The following AGBL1 variants were observed in gnomAD, a reference collection of about 807,000 sequenced individuals.
The protein encoded by AGBL1 is cytosolic carboxypeptidase 4.
Under a neutral mutation model 118.9 loss-of-function variants are expected in AGBL1, and 130 were observed. The observed-to-expected ratio is 1.09, with a 90% confidence interval of 0.95 to 1.26. The LOEUF (loss-of-function observed/expected upper bound fraction) is 1.26. Ranked by LOEUF, AGBL1 falls within the 50% of genes most tolerant of loss-of-function variation. The probability of loss-of-function intolerance (pLI) is 0.00; values close to 1 mark genes in which losing one functional copy is unlikely to be tolerated. For missense variants in AGBL1, 1,584 were observed against 1,298.1 expected (o/e 1.22, Z -3.38); for synonymous variants, 555 against 478.9 (o/e 1.16, Z -2.08).
chr15:86,646,149 T>C (rs1274725334), intron 21 of AGBL1, among the ~76,000 whole-genome samples: 1 of 152,190 alleles, frequency 6.6e-6, no homozygotes, highest in East Asian at 1.9e-4. Context: ...ACTTTTTCTC[T>C]TTGACAGAGT....
At chr15:86,988,096 T>C in intron 24 of AGBL1, 1 of 1,613,226 alleles carries the variant, frequency 6.2e-7, no homozygotes, top group Non-Finnish European at 8.5e-7. Flanking sequence ...CCCGTGAGTA[T>C]GTCAGTTTCC....
chr15:86,563,623 T>C (rs970787795), intron 21 of AGBL1, among the ~76,000 whole-genome samples: 1 of 152,090 alleles, frequency 6.6e-6, no homozygotes, highest in Non-Finnish European at 1.5e-5. Context: ...TTGGGGTGGA[T>C]GGTTATGTGG....
At chr15:86,253,310 G>A (rs2078846001) in intron 7 of AGBL1, among the ~76,000 whole-genome samples, 1 of 152,162 alleles carries the variant, frequency 6.6e-6, no homozygotes, top group South Asian at 2.1e-4. Flanking sequence ...GAGTGCAGTA[G>A]TGTGATCTTG....
chr15:86,372,352 C>G (rs922323058), intron 17 of AGBL1, among the ~76,000 whole-genome samples: 2 of 146,122 alleles, frequency 1.4e-5, no homozygotes, highest in Admixed American at 1.4e-4. Context: ...CATCATTTCC[C>G]CCCTTGGTGT....
rs1207264339 is a variant in AGBL1, at chr15:86,267,048, A to T, written c.1810A>T (p.Asn604Tyr). 11 of 1,567,286 alleles carry T rather than the reference A, an allele frequency of 7.0e-6. No homozygotes were observed. The highest frequency in any genetic ancestry group is 8.7e-6 in the Non-Finnish European group (10 of 1,154,728). ...GTTCTTCTCCAAATTTGAGTCAGGA[A>T]ATCTTCGCAAAGCCATCCAAGTGCG... The part of the protein sequence containing the change: ...LRFFSKFESG[N>Y]LRKAIQVREF... Residue 604 changes from asparagine to tyrosine, a missense_variant, in exon 13 of 23, where the codon AAT becomes TAT. Asn to Tyr is a moderately radical substitution (Grantham distance 143). Coordinates refer to ENST00000614907, the MANE Select transcript of AGBL1 (RefSeq NM_001386094.1).
intron 22 of AGBL1, among the ~76,000 whole-genome samples, chr15:86,903,310 A>T (rs903154802): frequency 2.6e-5 from 4 of 151,604 alleles, no homozygotes; most frequent in African/African-American, 9.7e-5. Flanking sequence ...TGAGTTCTAT[A>T]ATTCTGTTAT....
At chr15:86,665,412 C>T (rs1477631922) in intron 21 of AGBL1, among the ~76,000 whole-genome samples, 1 of 152,032 alleles carries the variant, frequency 6.6e-6, no homozygotes, top group Admixed American at 6.6e-5. Flanking sequence ...CAGTCCATTT[C>T]CAGGAGACGA....
At chr15:86,194,361 A>G (rs982916165) in intron 5 of AGBL1, among the ~76,000 whole-genome samples, 4 of 152,212 alleles carry the variant, frequency 2.6e-5, no homozygotes, top group Non-Finnish European at 2.9e-5. Context: ...GATGCCTGCT[A>G]CTAGAGTACA....
At chr15:86,484,392 TC>T (rs2082689172) in intron 18 of AGBL1, among the ~76,000 whole-genome samples, 1 of 152,110 alleles carries the variant, frequency 6.6e-6, no homozygotes. Context: ...TAACATGTGT[TC>T]ATAATGTCCT....
intron 22 of AGBL1, among the ~76,000 whole-genome samples, chr15:86,733,391 C>T (rs2077553449): frequency 6.6e-6 from 1 of 152,108 alleles, no homozygotes; most frequent in Admixed American, 6.6e-5. Context: ...ATCTTTTTTA[C>T]TCAGTCTAAT....
At chr15:86,994,529 T>C (rs1426893066) in intron 24 of AGBL1, among the ~76,000 whole-genome samples, 4 of 152,142 alleles carry the variant, frequency 2.6e-5, no homozygotes, top group African/African-American at 7.2e-5. Flanking sequence ...TCTGAAGTGG[T>C]TGGTCGTCTT....
intron 22 of AGBL1, among the ~76,000 whole-genome samples, chr15:86,880,816 A>C (rs1356985783): frequency 6.6e-6 from 1 of 152,068 alleles, no homozygotes; most frequent in Non-Finnish European, 1.5e-5. Flanking sequence ...TAGGGACATC[A>C]AAACACACAA....
At chr15:86,502,204 T>A (rs1657647391) in intron 18 of AGBL1, among the ~76,000 whole-genome samples, 3 of 151,594 alleles carry the variant, frequency 2.0e-5, no homozygotes, top group African/African-American at 7.2e-5. Context: ...AATGCTATTG[T>A]AAGTAAACTT....
chr15:86,678,276 A>C (rs1049973927), intron 22 of AGBL1, among the ~76,000 whole-genome samples: 2 of 152,282 alleles, frequency 1.3e-5, no homozygotes, highest in African/African-American at 4.8e-5. Flanking sequence ...CAGTACTCTC[A>C]AAAACAATGT....
intron 17 of AGBL1, among the ~76,000 whole-genome samples, chr15:86,301,669 TGTGTGTG>T (rs2079748493): frequency 6.6e-6 from 1 of 150,560 alleles, no homozygotes; most frequent in Non-Finnish European, 1.5e-5. Flanking sequence ...TGTGTGTGTG[TGTGTGTG>T]TGTGTGTGTG....
intron 24 of AGBL1, among the ~76,000 whole-genome samples, chr15:87,009,397 G>A (rs1357384805): frequency 6.6e-6 from 1 of 152,222 alleles, no homozygotes; most frequent in Admixed American, 6.5e-5. Context: ...CCTCTGCCTA[G>A]ATTTCAAATA....
chr15:86,250,008 G>A (rs142756123), intron 7 of AGBL1, among the ~76,000 whole-genome samples: 1 of 152,314 alleles, frequency 6.6e-6, no homozygotes, highest in East Asian at 1.9e-4. Context: ...GAATGTGAGT[G>A]CACACAGAGT....
chr15:86,734,529 A>T (rs1380282291), intron 22 of AGBL1, among the ~76,000 whole-genome samples: 6 of 152,116 alleles, frequency 3.9e-5, no homozygotes, highest in Non-Finnish European at 5.9e-5. Flanking sequence ...AAGAGGTGAG[A>T]GATGAGTGCT....
At chr15:86,860,677 C>G (rs533826065) in intron 22 of AGBL1, among the ~76,000 whole-genome samples, 4 of 151,772 alleles carry the variant, frequency 2.6e-5, no homozygotes, top group Admixed American at 2.6e-4. Context: ...TTTGGTAGTT[C>G]CTGCCATCAG....
Sources: gnomAD v4.1 joint callset for allele counts (sites outside exome capture counted in the v4.1 genomes callset) on GRCh38, gnomAD v4.1.1 for gene constraint, MANE v1.5 for transcripts, NCBI Gene and HGNC (gene_info 2026-07-23, HGNC 2026-07-21) for gene names.